The following LECT2 variants were observed in gnomAD, a reference collection of about 807,000 sequenced individuals.
LECT2 encodes leukocyte cell derived chemotaxin 2, also known as leukocyte cell-derived chemotaxin-2.
Under a neutral mutation model 16.6 loss-of-function variants are expected in LECT2, and 11 were observed. That is an observed-to-expected ratio of 0.66 (90% CI 0.42 to 1.09). The LOEUF (loss-of-function observed/expected upper bound fraction) is 1.09, where lower values mean the gene tolerates loss of function less well. Ranked by LOEUF, LECT2 falls within the 50% of genes least tolerant of loss-of-function variation. The pLI, the probability that LECT2 is intolerant of heterozygous loss-of-function variation, is 0.00. For synonymous variants in LECT2, 54 were observed against 64.8 expected (o/e 0.83, Z 0.80); for missense variants, 173 against 184.2 (o/e 0.94, Z 0.35).
At chr5:135,949,102 C>G (rs1252089746) in intron 3 of LECT2, among the ~76,000 whole-genome samples, 1 of 152,316 alleles carries the variant, frequency 6.6e-6, no homozygotes, top group Admixed American at 6.5e-5. Context: ...AAGACCTCTA[C>G]ACTGAAAACT....
At chr5:135,951,817 C>T (rs376092267) in intron 2 of LECT2, among the ~76,000 whole-genome samples, 3 of 152,114 alleles carry the variant, frequency 2.0e-5, no homozygotes, top group East Asian at 1.9e-4. Context: ...TGATTGTAAA[C>T]GTCACTTACT....
At chr5:135,951,610 G>A in intron 2 of LECT2, 1 of 402,944 alleles carries the variant, frequency 2.5e-6, no homozygotes, top group Non-Finnish European at 4.4e-6. Context: ...TACATAATAA[G>A]CCTTAAGCAA....
chr5:135,953,014 C>G (rs1174338883), intron 1 of LECT2, 47 bp from the exon 2 acceptor site: 2 of 1,304,012 alleles, frequency 1.5e-6, no homozygotes, highest in Non-Finnish European at 2.2e-6. Context: ...TCAGACATTT[C>G]CTATCCCCAT....
intron 1 of LECT2, 190 bp from the exon 2 acceptor site, chr5:135,953,157 C>T: frequency 1.8e-6 from 1 of 555,086 alleles, no homozygotes; most frequent in East Asian, 3.0e-5. Flanking sequence ...TTGGCTTTTT[C>T]CCTGGCCACA....
At chr5:135,951,198 C>A in intron 3 of LECT2, 25 bp downstream of exon 3, 2 of 1,606,940 alleles carry the variant, frequency 1.2e-6, no homozygotes, top group East Asian at 2.2e-5. Context: ...GGAGGCACCC[C>A]AGGTGTAGAC....
chr5:135,947,563 TAAC>T (rs903366761), intron 3 of LECT2, 66 bp from the exon 4 acceptor site: 7 of 1,395,684 alleles, frequency 5.0e-6, no homozygotes, highest in Admixed American at 2.6e-5. Context: ...ATTAAAAAAA[TAAC>T]AAATGGACAA....
At chr5:135,951,747 C>G (rs572796432) in intron 2 of LECT2, among the ~76,000 whole-genome samples, 45 of 152,224 alleles carry the variant, frequency 3.0e-4, no homozygotes, top group African/African-American at 1.1e-3. Context: ...TTATGGGAAC[C>G]TATCATAAAA....
Position 135,954,846 on chromosome 5 carries a change from C to T in LECT2, c.-13G>A, listed in dbSNP as rs762262734. 5 of 1,607,234 alleles carry T rather than the reference C, an allele frequency of 3.1e-6. No individual in the cohort carries two copies. Among genetic ancestry groups the T allele is most frequent in the Non-Finnish European group, 4.3e-6 (5 of 1,173,874 alleles). ...TGGTGGAAAACATCTGGTTTTACTT[C>T]CTTTAGTTTCTTCCTCTGATTAGAG... On this transcript the variant is annotated 5_prime_UTR_variant, in exon 1 of 4. Transcript: ENST00000274507.
At chr5:135,948,754 A>G (rs1359453689) in intron 3 of LECT2, among the ~76,000 whole-genome samples, 7 of 151,272 alleles carry the variant, frequency 4.6e-5, no homozygotes, top group Non-Finnish European at 8.8e-5. Flanking sequence ...GGCTCACTGC[A>G]GGCTCCGCCT....
chr5:135,954,068 C>G (rs1409571909), intron 1 of LECT2, among the ~76,000 whole-genome samples: 3 of 152,182 alleles, frequency 2.0e-5, no homozygotes, highest in Non-Finnish European at 4.4e-5. Flanking sequence ...ATACAGTGAG[C>G]ACACTCAACC....
At chr5:135,954,668 G>T (rs1763837456) in intron 1 of LECT2, 120 bp downstream of exon 1, 4 of 695,236 alleles carry the variant, frequency 5.8e-6, no homozygotes, top group African/African-American at 1.8e-5. Context: ...ATTTTTAATA[G>T]CCAAATACAC....
intron 3 of LECT2, among the ~76,000 whole-genome samples, chr5:135,949,496 A>G (rs1763761357): frequency 6.6e-6 from 1 of 152,228 alleles, no homozygotes; most frequent in Non-Finnish European, 1.5e-5. Flanking sequence ...GGTGAACCAC[A>G]GTGGCCTTTT....
chr5:135,952,104 G>A (rs983833271), intron 2 of LECT2, among the ~76,000 whole-genome samples: 3 of 152,246 alleles, frequency 2.0e-5, no homozygotes, highest in Admixed American at 6.5e-5. Flanking sequence ...TATCAATCAA[G>A]TGCATAAACT....
At chr5:135,947,570 T>C in intron 3 of LECT2, 73 bp from the exon 4 acceptor site, 1 of 1,366,446 alleles carries the variant, frequency 7.3e-7, no homozygotes, top group Admixed American at 2.7e-5. Context: ...AAATAACAAA[T>C]GGACAAAAAA....
Position 135,948,672 on chromosome 5 carries a change from AATT to A in LECT2, c.290-1178_290-1176del, listed in dbSNP as rs1286009892. On this transcript the variant is annotated intron_variant, in intron 3 of 3. Coordinates refer to ENST00000274507, the MANE Select transcript of LECT2 (RefSeq NM_002302.3). ...GAAAATTTAAAATAATAATAATAAT[AATT>A]ATTATTATTATTTTTTTGAGACGGA... Among the ~76,000 whole-genome samples the A allele has an allele frequency of 3.9e-4, 56 of 144,026 alleles. No individual in the cohort carries two copies. The East Asian group carries it at 0.012, about 30-fold the overall frequency. The allele number at this position is 144,026 out of a possible 152,430, so 94.5% of individuals were successfully genotyped here.
chr5:135,947,570 T>G, intron 3 of LECT2, 73 bp from the exon 4 acceptor site: 2 of 1,366,444 alleles, frequency 1.5e-6, no homozygotes, highest in South Asian at 1.8e-5. Context: ...AAATAACAAA[T>G]GGACAAAAAA....
chr5:135,950,942 C>G (rs1448938050), intron 3 of LECT2: 2 of 455,254 alleles, frequency 4.4e-6, no homozygotes, highest in Non-Finnish European at 7.7e-6. Flanking sequence ...AAATATCTAT[C>G]GGGTACTATG....
At chr5:135,948,140 C>T (rs1763729123) in intron 3 of LECT2, among the ~76,000 whole-genome samples, 1 of 152,192 alleles carries the variant, frequency 6.6e-6, no homozygotes, top group Non-Finnish European at 1.5e-5. Context: ...AAAGCAAGGG[C>T]TATTGTCCTG....
chr5:135,948,102 C>T (rs1763728711), intron 3 of LECT2, among the ~76,000 whole-genome samples: 1 of 149,374 alleles, frequency 6.7e-6, no homozygotes, highest in Non-Finnish European at 1.5e-5. Context: ...TTGCCAAGCA[C>T]ATGGACAAAG....
Sources: gnomAD v4.1 joint callset for allele counts (sites outside exome capture counted in the v4.1 genomes callset) on GRCh38, gnomAD v4.1.1 for gene constraint, MANE v1.5 for transcripts, NCBI Gene and HGNC (gene_info 2026-07-23, HGNC 2026-07-21) for gene names.